The following SIGLEC1 variants were observed in gnomAD, a reference collection of about 807,000 sequenced individuals.
The protein encoded by SIGLEC1 is sialoadhesin.
SIGLEC1 carries 132 observed loss-of-function variants against 148.0 expected under a neutral mutation model. The observed-to-expected ratio is 0.89, with a 90% CI of 0.77 to 1.03. The LOEUF is 1.03. Among genes scored for constraint, SIGLEC1 ranks in the 50% least tolerant of loss-of-function variants. SIGLEC1 has a pLI of 0.00. For synonymous variants in SIGLEC1, 945 were observed against 969.0 expected (o/e 0.98, Z 0.46); for missense variants, 2,253 against 2,271.4 (o/e 0.99, Z 0.16).
At position 3,691,611 on chromosome 20, in the gene SIGLEC1, A is replaced by C; in HGVS notation, c.4331-11T>G. The C allele has an allele frequency of 1.9e-6, 3 of 1,608,874 alleles. No individual in the cohort carries two copies. The highest frequency in any genetic ancestry group is 2.5e-6 in the Non-Finnish European group (3 of 1,177,832). On this transcript the variant is annotated splice_polypyrimidine_tract_variant and intron_variant, in intron 17 of 21. Coordinates refer to ENST00000344754, the MANE Select transcript of SIGLEC1 (RefSeq NM_023068.4). ...CCACCACGCGTGCACCTGCGGGCGGAGGATAGAGAGATGATTGGGGATCTG... is the reference window on the plus strand; with the variant it reads ...CCACCACGCGTGCACCTGCGGGCGGCGGATAGAGAGATGATTGGGGATCTG...
Position 3,706,713 on chromosome 20 carries a change from G to A in SIGLEC1, c.50-7C>T, listed in dbSNP as rs2087899324. On this transcript the variant is annotated splice_region_variant and splice_polypyrimidine_tract_variant and intron_variant, in intron 2 of 21. Transcript: ENST00000344754. ...ACGCCCCATGAGGCCTGGCCTGGGG[G>A]AAGAACGGCAGGGGGACAGAGGGGA... 4 of 1,532,774 alleles carry A rather than the reference G, an allele frequency of 2.6e-6. No homozygotes were observed. 94.9% of individuals were successfully genotyped at this position (1,532,774 alleles called of 1,614,324 possible). A position where few individuals can be genotyped will look rare whatever the true frequency, so the allele number is the denominator to read the frequency against.
rs748279154 is a variant in SIGLEC1 at position 3,698,057 on chromosome 20, G to T, written c.1863C>A (p.Leu621=). The change falls in exon 9 of 22, where the codon CTC becomes CTA. Residue 621 remains leucine (L), a synonymous_variant. Transcript: ENST00000344754. ...GGTCGCTGTCCACACGGCACAAAAG[G>T]AGGCCTCGCCGTCCAGCCCCGGCCC... is the stretch of plus-strand genomic sequence containing the variant. ...AAGAGAGRRG[L]LLCRVDSDPP... is the part of the protein sequence containing the mutation. The T allele has an allele frequency of 6.2e-7, 1 of 1,606,814 alleles. No homozygotes were observed. Among genetic ancestry groups the T allele is most frequent in the Admixed American group, 1.7e-5 (1 of 58,802 alleles).
chr20:3,689,303 A>G, intron 20 of SIGLEC1, 76 bp from the exon 21 acceptor site: 1 of 1,308,592 alleles, frequency 7.6e-7, no homozygotes. Flanking sequence ...CGCTCCCCAC[A>G]GGCTGGCTCC....
At position 3,710,700 on chromosome 20, in the gene SIGLEC1, G is replaced by T. The variant is rs1475134886; in HGVS notation, c.-110+1770C>A. 6.6e-6 allele frequency among the ~76,000 whole-genome samples: 1 copy of T among 152,198 alleles called. No individual in the cohort carries two copies. The highest frequency in any genetic ancestry group is 1.5e-5 in the Non-Finnish European group (1 of 68,026). The stretch of plus-strand genomic sequence containing the variant: ...CCAGCTCCCCTGTTCCTCCCATTTG[G>T]GGTCCTGAAAAGGGCAATCGTGAAC... On this transcript the variant is annotated intron_variant, in intron 1 of 21. Transcript: ENST00000344754. The surrounding 1 kb of genome is among the most constrained non-coding windows in gnomAD (Gnocchi z 4.6).
At position 3,703,868 on chromosome 20, in the gene SIGLEC1, G is replaced by A. The variant is rs757586903; in HGVS notation, c.930C>T (p.Gly310=). ...AGVYTCQAEN[G]VGSLVSPPIS... is the part of the protein sequence containing the mutation. ...TGGGGGGTGAGACCAAAGAGCCCAC[G>A]CCGTTCTCAGCTTGGCAGGTGTAGA... Residue 310 remains glycine, a synonymous_variant, in exon 5 of 22, where the codon GGC becomes GGT. Coordinates refer to ENST00000344754, the MANE Select transcript of SIGLEC1 (RefSeq NM_023068.4). 4.3e-5 allele frequency: 70 copies of A among 1,613,960 alleles called. No homozygotes were observed. The highest frequency in any genetic ancestry group is 1.6e-4 in the Middle Eastern group (1 of 6,084).
At chr20:3,701,298 C>G (rs1161135342) in intron 7 of SIGLEC1, 44 bp downstream of exon 7, 2 of 1,531,872 alleles carry the variant, frequency 1.3e-6, no homozygotes, top group Non-Finnish European at 8.9e-7. Context: ...CAGGCTCCTC[C>G]TCAGGCTCCC....
chr20:3,696,141 A>ACACACACACACACACACAC (rs371507046), intron 11 of SIGLEC1, among the ~76,000 whole-genome samples: 4 of 145,190 alleles, frequency 2.8e-5, no homozygotes, highest in Admixed American at 6.9e-5. Context: ...CACACACACA[A>ACACACACACACACACACAC]ACACACACAC....
Position 3,704,062 on chromosome 20 carries a change from T to C in SIGLEC1, c.736A>G (p.Ser246Gly). Residue 246 changes from serine to glycine, a missense_variant, in exon 5 of 22, where the codon AGC becomes GGC. Coordinates refer to ENST00000344754, the MANE Select transcript of SIGLEC1 (RefSeq NM_023068.4). ...YAPKGVKILLSPSGRNILPGE... is the reference protein window; with the variant it reads ...YAPKGVKILLGPSGRNILPGE... ...GGAAGGATGTTCCTCCCCGAGGGGC[T>C]GAGGAGGATCTTCACACCCTTGGGG... 6.2e-7 allele frequency: 1 copy of C among 1,613,002 alleles called. No homozygotes were observed. The highest frequency in any genetic ancestry group is 8.5e-7 in the Non-Finnish European group (1 of 1,179,676).
chr20:3,693,350 G>A, intron 14 of SIGLEC1, 97 bp downstream of exon 14: 1 of 1,389,420 alleles, frequency 7.2e-7, no homozygotes, highest in Non-Finnish European at 9.6e-7. Flanking sequence ...TGGGTACCGA[G>A]TTCCCCACTG....
chr20:3,704,663 C>T (rs2046060768), intron 4 of SIGLEC1, among the ~76,000 whole-genome samples: 1 of 152,258 alleles, frequency 6.6e-6, no homozygotes, highest in African/African-American at 2.4e-5. Context: ...GTCAGCCAAG[C>T]TGGAGTGCAG....
intron 11 of SIGLEC1, among the ~76,000 whole-genome samples, chr20:3,695,819 A>ATT: frequency 6.7e-6 from 1 of 149,868 alleles, no homozygotes; most frequent in African/African-American, 2.5e-5. Context: ...TTTAGGGAGA[A>ATT]TTTTTTTTTT....
chr20:3,706,459 G>T lies in SIGLEC1; in HGVS notation c.297C>A (p.Asn99Lys). The T allele has an allele frequency of 1.9e-6, 3 of 1,614,106 alleles. No individual in the cohort carries two copies. The highest frequency in any genetic ancestry group is 2.5e-6 in the Non-Finnish European group (3 of 1,180,040). ...CGGGCTGCAGGTCCTTCAGCAGCAG[G>T]TTGCACACCCTGTGCTCGGGGTTCC... ...FMGNPEHRVC[N>K]LLLKDLQPED... The change falls in exon 3 of 22, where the codon AAC becomes AAA. Residue 99 changes from asparagine (N) to lysine (K), a missense_variant. Transcript: ENST00000344754.
At position 3,699,347 on chromosome 20, in the gene SIGLEC1, C is replaced by G. The variant is rs750598964; in HGVS notation, c.1641G>C (p.Leu547=). Residue 547 remains leucine (L), a synonymous_variant, in exon 8 of 22, where the codon CTG becomes CTC. Coordinates refer to ENST00000344754, the MANE Select transcript of SIGLEC1 (RefSeq NM_023068.4). ...PTPDARFSWY[L]NGALLHEGPG... Reference sequence around the variant, plus strand: ...GACCCTCGTGAAGCAGGGCTCCATTCAGGTACCAGGAGAAGCGGGCATCAG... The same window carrying G: ...GACCCTCGTGAAGCAGGGCTCCATTGAGGTACCAGGAGAAGCGGGCATCAG... The G allele has an allele frequency of 2.5e-6, 4 of 1,609,028 alleles. No individual in the cohort carries two copies. Among genetic ancestry groups the G allele is most frequent in the Non-Finnish European group, 3.4e-6 (4 of 1,178,444 alleles).
intron 3 of SIGLEC1, 35 bp downstream of exon 3, chr20:3,706,312 C>A (rs2087893289): frequency 1.9e-6 from 3 of 1,578,944 alleles, no homozygotes; most frequent in African/African-American, 1.3e-5. Flanking sequence ...TTGGGAATCC[C>A]TCCCGGGGGG....
Position 3,710,113 on chromosome 20 carries a change from A to C in SIGLEC1, c.-110+2357T>G, listed in dbSNP as rs916466423. On this transcript the variant is annotated intron_variant, in intron 1 of 21. Coordinates refer to ENST00000344754, the MANE Select transcript of SIGLEC1 (RefSeq NM_023068.4). This position sits in a 1 kb window ranked among gnomAD's most constrained non-coding sequence, Gnocchi z 4.6. ...AACTTTGCAATCCTCCCTGGTCCTA[A>C]ATGCTGACTTGGCCAAGTGAACGAG... Among the ~76,000 whole-genome samples, 13 of 152,190 alleles carry C rather than the reference A, an allele frequency of 8.5e-5. No homozygotes were observed. Among genetic ancestry groups the C allele is most frequent in the African/African-American group, 3.1e-4 (13 of 41,434 alleles).
At chr20:3,703,138 G>C in intron 6 of SIGLEC1, 59 bp downstream of exon 6, 1 of 1,605,714 alleles carries the variant, frequency 6.2e-7, no homozygotes, top group Non-Finnish European at 8.5e-7. Flanking sequence ...CTTCCTTGGG[G>C]CTCCACCATC....
At chr20:3,690,370 A>G (rs2088746762) in intron 18 of SIGLEC1, 106 bp from the exon 19 acceptor site, 2 of 880,680 alleles carry the variant, frequency 2.3e-6, no homozygotes, top group Non-Finnish European at 3.4e-6. Context: ...AAGAGGCAGA[A>G]CCTATTTCCT....
chr20:3,692,982 CAGAGG>C lies in SIGLEC1; in HGVS notation c.3653_3657del (p.Ala1218GlyfsTer17). The C allele has an allele frequency of 6.2e-7, 1 of 1,612,516 alleles. No individual in the cohort carries two copies. Among genetic ancestry groups the C allele is most frequent in the Non-Finnish European group, 8.5e-7 (1 of 1,179,846 alleles). ...AGCTCCAGGCGCAGGGTGTTGGGGA[CAGAGG>C]CTGCTGTCGAGGAGGCCAAGAGGCG... On this transcript the variant is annotated frameshift_variant, in exon 15 of 22. Transcript: ENST00000344754. LOFTEE classifies it high-confidence loss of function.
intron 16 of SIGLEC1, 141 bp downstream of exon 16, chr20:3,692,380 C>T: frequency 1.7e-6 from 2 of 1,194,556 alleles, no homozygotes; most frequent in East Asian, 5.2e-5. Flanking sequence ...AGGACTGTCT[C>T]TTTCTCTAGC....
Sources: gnomAD v4.1 joint callset for allele counts (sites outside exome capture counted in the v4.1 genomes callset) on GRCh38, gnomAD v4.1.1 for gene constraint, Gnocchi (gnomAD v3.1) non-coding constraint, MANE v1.5 for transcripts, NCBI Gene and HGNC (gene_info 2026-07-23, HGNC 2026-07-21) for gene names.